The following EPSTI1 variants were observed in gnomAD, a reference collection of about 807,000 sequenced individuals.
EPSTI1 encodes the protein epithelial stromal interaction 1, also known as epithelial-stromal interaction protein 1.
EPSTI1 carries 66 observed loss-of-function variants against 49.9 expected under a neutral mutation model. That is an observed-to-expected ratio of 1.32 (90% confidence interval 1.08 to 1.62). The LOEUF is 1.62. EPSTI1 is among the 40% of genes most tolerant of loss of function. The pLI is 0.00. For synonymous variants in EPSTI1, 137 were observed against 130.7 expected (o/e 1.05, Z -0.33); for missense variants, 394 against 365.5 (o/e 1.08, Z -0.64).
intron 6 of EPSTI1, among the ~76,000 whole-genome samples, chr13:42,926,864 CT>C (rs1231888179): frequency 1.4e-4 from 21 of 152,252 alleles, no homozygotes; most frequent in African/African-American, 4.8e-4. Flanking sequence ...CCTTTACCCT[CT>C]CATCTGCCTC....
chr13:42,943,824 C>G lies in EPSTI1; in HGVS notation c.563+10124G>C, dbSNP rs148099460. Among the ~76,000 whole-genome samples, 1,511 of 151,934 alleles carry G rather than the reference C, an allele frequency of 9.9e-3. 30 individuals are homozygous for G. The highest frequency in any genetic ancestry group is 0.034 in the African/African-American group (1,410 of 41,438). On this transcript the variant is annotated intron_variant, in intron 6 of 10. Coordinates refer to ENST00000313624, the MANE Select transcript of EPSTI1 (RefSeq NM_033255.5). ...CTACAAAGAATTTAAACAAATTTACCAGAAAAAAACAACCTCATCAAAAAG... is the reference window on the plus strand; with the variant it reads ...CTACAAAGAATTTAAACAAATTTACGAGAAAAAAACAACCTCATCAAAAAG...
At chr13:42,907,939 T>A (rs921188673) in intron 8 of EPSTI1, among the ~76,000 whole-genome samples, 4 of 152,046 alleles carry the variant, frequency 2.6e-5, no homozygotes, top group South Asian at 2.1e-4. Context: ...CAAAAATACA[T>A]CCACACATGC....
At chr13:42,913,823 T>G (rs913545200) in intron 8 of EPSTI1, among the ~76,000 whole-genome samples, 1 of 152,244 alleles carries the variant, frequency 6.6e-6, no homozygotes, top group Non-Finnish European at 1.5e-5. Flanking sequence ...TGTTGAATTG[T>G]AATCCCCAAT....
rs754115146 is a variant in EPSTI1, at chr13:42,895,003, A to C, written c.915+6T>G. On this transcript the variant is annotated splice_donor_region_variant and intron_variant, in intron 10 of 10. Coordinates refer to ENST00000313624, the MANE Select transcript of EPSTI1 (RefSeq NM_033255.5). Reference sequence around the variant, plus strand: ...AAGATGATTTAAGAGAAAAGAAAAAACTCACCCAGCTGTTACCGCTATTCA... The same window carrying C: ...AAGATGATTTAAGAGAAAAGAAAAACCTCACCCAGCTGTTACCGCTATTCA... 4.7e-5 allele frequency: 76 copies of C among 1,600,386 alleles called. No individual in the cohort carries two copies. The highest frequency in any genetic ancestry group is 6.4e-5 in the Non-Finnish European group (75 of 1,174,452).
chr13:42,921,067 A>C (rs2037978858), intron 7 of EPSTI1, among the ~76,000 whole-genome samples: 1 of 152,170 alleles, frequency 6.6e-6, no homozygotes, highest in South Asian at 2.1e-4. Flanking sequence ...CTACAATTTG[A>C]ATAATAGAAA....
At chr13:42,944,525 G>A (rs1217136578) in intron 6 of EPSTI1, among the ~76,000 whole-genome samples, 2 of 152,108 alleles carry the variant, frequency 1.3e-5, no homozygotes, top group African/African-American at 4.8e-5. Context: ...GTAATGGGGT[G>A]GGGGGCTAGG....
intron 8 of EPSTI1, 106 bp from the exon 9 acceptor site, chr13:42,900,489 T>C: frequency 1.9e-6 from 2 of 1,066,042 alleles, no homozygotes; most frequent in Non-Finnish European, 2.8e-6. Context: ...AATATTTCAT[T>C]TTTGAAACTT....
chr13:42,949,216 G>C (rs181215898), intron 6 of EPSTI1, among the ~76,000 whole-genome samples: 1 of 152,330 alleles, frequency 6.6e-6, no homozygotes, highest in East Asian at 1.9e-4. Context: ...ATTTGCATAT[G>C]TAGAGACACT....
chr13:42,984,987 G>C (rs925306636), intron 1 of EPSTI1, among the ~76,000 whole-genome samples: 2 of 152,192 alleles, frequency 1.3e-5, no homozygotes, highest in African/African-American at 4.8e-5. Flanking sequence ...GTATTAGTTT[G>C]AGTCCTTCAG....
chr13:42,970,489 A>C, intron 2 of EPSTI1, 123 bp downstream of exon 2: 2 of 818,196 alleles, frequency 2.4e-6, no homozygotes, highest in Non-Finnish European at 3.6e-6. Context: ...TAAAAAAAAC[A>C]AAAAACCTTG....
chr13:42,892,645 T>C (rs1371248708), intron 10 of EPSTI1, among the ~76,000 whole-genome samples: 1 of 152,156 alleles, frequency 6.6e-6, no homozygotes, highest in East Asian at 1.9e-4. Context: ...GGCAACTGGG[T>C]ACACAAGTCT....
intron 8 of EPSTI1, among the ~76,000 whole-genome samples, chr13:42,915,561 T>C (rs2037806670): frequency 1.3e-5 from 2 of 152,072 alleles, no homozygotes; most frequent in African/African-American, 4.8e-5. Flanking sequence ...CAATGAACGT[T>C]TCCCAACAAC....
At chr13:42,929,954 T>C (rs1433868548) in intron 6 of EPSTI1, among the ~76,000 whole-genome samples, 1 of 152,320 alleles carries the variant, frequency 6.6e-6, no homozygotes, top group South Asian at 2.1e-4. Context: ...ATGAGAATCA[T>C]CTGTGGTGCT....
At chr13:42,981,608 C>A (rs528554376) in intron 1 of EPSTI1, among the ~76,000 whole-genome samples, 3 of 152,270 alleles carry the variant, frequency 2.0e-5, no homozygotes, top group African/African-American at 7.2e-5. Flanking sequence ...CTAAACAGGA[C>A]CATAATTTCT....
Position 42,922,462 on chromosome 13 carries a change from C to T in EPSTI1, c.657+3874G>A, listed in dbSNP as rs562987364. 7.2e-5 allele frequency among the ~76,000 whole-genome samples: 11 copies of T among 152,208 alleles called. No individual in the cohort carries two copies. Among genetic ancestry groups the T allele is most frequent in the African/African-American group, 1.9e-4 (8 of 41,520 alleles). The stretch of plus-strand genomic sequence containing the variant: ...GGAAGCTAAACTGGAGCCATGCAGC[C>T]GTGTGCCAAGGGTTTGCGGGGACAG... On this transcript the variant is annotated intron_variant, in intron 7 of 10. Transcript: ENST00000313624. The surrounding 1 kb of genome is among the most constrained non-coding windows in gnomAD (Gnocchi z 4.8).
At chr13:42,936,657 C>CT (rs1594682231) in intron 6 of EPSTI1, among the ~76,000 whole-genome samples, 1 of 152,172 alleles carries the variant, frequency 6.6e-6, no homozygotes, top group Non-Finnish European at 1.5e-5. Flanking sequence ...TCTTAAGTGA[C>CT]TTTGTCCACT....
intron 1 of EPSTI1, among the ~76,000 whole-genome samples, chr13:42,975,845 C>T (rs2039871629): frequency 6.6e-6 from 1 of 151,978 alleles, no homozygotes; most frequent in African/African-American, 2.4e-5. Context: ...AGGAGTCACA[C>T]TAAAGATATA....
At chr13:42,987,181 C>G (rs1194715848) in intron 1 of EPSTI1, among the ~76,000 whole-genome samples, 1 of 152,074 alleles carries the variant, frequency 6.6e-6, no homozygotes, top group East Asian at 1.9e-4. Context: ...CCTGGAGACT[C>G]CATTTGCAGC....
intron 6 of EPSTI1, among the ~76,000 whole-genome samples, chr13:42,941,282 T>C (rs2038742144): frequency 6.6e-6 from 1 of 152,334 alleles, no homozygotes; most frequent in Admixed American, 6.5e-5. Flanking sequence ...TATATAAACA[T>C]GGGTCTACTT....
Sources: gnomAD v4.1 joint callset for allele counts (sites outside exome capture counted in the v4.1 genomes callset) on GRCh38, gnomAD v4.1.1 for gene constraint, Gnocchi (gnomAD v3.1) non-coding constraint, MANE v1.5 for transcripts, NCBI Gene and HGNC (gene_info 2026-07-23, HGNC 2026-07-21) for gene names.